Variants in CRHR2 observed in about 807,000 individuals in gnomAD.
CRHR2 encodes the protein corticotropin releasing hormone receptor 2, also known as corticotropin-releasing hormone receptor 2.
CRHR2 carries 53 observed loss-of-function variants against 57.9 expected under a neutral mutation model. The ratio of observed to expected loss-of-function variants is 0.92; its 90% CI spans 0.73 to 1.15. CRHR2 has a LOEUF of 1.15. Among genes scored for constraint, CRHR2 ranks in the 50% most tolerant of loss-of-function variants. The probability of loss-of-function intolerance (pLI) is 0.00; values close to 1 mark genes in which losing one functional copy is unlikely to be tolerated. For synonymous variants in CRHR2, 213 were observed against 220.9 expected (o/e 0.96, Z 0.32); for missense variants, 532 against 542.6 (o/e 0.98, Z 0.19).
chr7:30,662,722 G>A lies in CRHR2; in HGVS notation c.669C>T (p.Arg223=). The A allele has an allele frequency of 1.2e-6, 2 of 1,614,206 alleles. No homozygotes were observed. Among genetic ancestry groups the A allele is most frequent in the Non-Finnish European group, 8.5e-7 (1 of 1,180,018 alleles). The change falls in exon 6 of 12, where the codon CGC becomes CGT. Residue 223 remains arginine, a synonymous_variant. Transcript: ENST00000471646. The part of the protein sequence containing the change: ...IVMTYSTERL[R]KCLFLFIGWC... ...ATCCGATGAAGAGGAAGAGGCACTTGCGCAGGCGCTCAGTGGAGTAGGTCA... is the reference window on the plus strand; with the variant it reads ...ATCCGATGAAGAGGAAGAGGCACTTACGCAGGCGCTCAGTGGAGTAGGTCA...
At chr7:30,662,905 C>G (rs920831396) in intron 5 of CRHR2, 58 bp from the exon 6 acceptor site, 17 of 1,581,508 alleles carry the variant, frequency 1.1e-5, no homozygotes, top group East Asian at 2.3e-5. Flanking sequence ...TAGGACATAC[C>G]CATCCCCAGG....
chr7:30,667,939 C>G (rs1007744005), intron 2 of CRHR2, among the ~76,000 whole-genome samples: 1 of 152,180 alleles, frequency 6.6e-6, no homozygotes, highest in Non-Finnish European at 1.5e-5. Flanking sequence ...GTTGTGGCTT[C>G]GGGTCTTCTG....
intron 2 of CRHR2, among the ~76,000 whole-genome samples, chr7:30,674,779 A>T (rs1309453694): frequency 6.6e-6 from 1 of 151,848 alleles, no homozygotes; most frequent in Non-Finnish European, 1.5e-5. Context: ...ATAGCAGGAG[A>T]CCACCACCCC....
chr7:30,657,830 A>G (rs1332539462), intron 8 of CRHR2, among the ~76,000 whole-genome samples: 2 of 152,006 alleles, frequency 1.3e-5, no homozygotes, highest in Admixed American at 6.6e-5. Flanking sequence ...CCATCCATCC[A>G]TCTACCCAAC....
At chr7:30,682,896 C>G (rs1393419026), upstream of CRHR2, among the ~76,000 whole-genome samples, 18 of 152,236 alleles carry the variant, frequency 1.2e-4, no homozygotes. Context: ...ATGGGCAGAT[C>G]TGCATCCTCC....
chr7:30,682,291 A>G lies in CRHR2; in HGVS notation c.-11T>C. 5 of 1,555,694 alleles carry G rather than the reference A, an allele frequency of 3.2e-6. No homozygotes were observed. Among genetic ancestry groups the G allele is most frequent in the Non-Finnish European group, 4.3e-6 (5 of 1,158,602 alleles). ...CAGTGCCGCGTCCATCGCGTCCCGC[A>G]GCCGCGTGCGGAGAGGGAGTGGGAG... On this transcript the variant is annotated 5_prime_UTR_variant, in exon 1 of 12. Transcript: ENST00000471646.
Position 30,665,082 on chromosome 7 carries a change from G to C in CRHR2, c.531C>G (p.His177Gln), listed in dbSNP as rs150872538. ...CCCGAGCAATGACCTCATTGCTCTC[G>C]TGCACTTCATGGTCAACGAGCTGCA... ...FLLQLVDHEVHESNEVWCRCI... is the reference protein window; with the variant it reads ...FLLQLVDHEVQESNEVWCRCI... The change falls in exon 5 of 12, where the codon CAC becomes CAG. Residue 177 changes from histidine to glutamine, a missense_variant. Transcript: ENST00000471646. The surrounding 1 kb of genome is among the most constrained non-coding windows in gnomAD (Gnocchi z 4.5). 127 of 1,613,826 alleles carry C rather than the reference G, an allele frequency of 7.9e-5. 1 individual carries two copies. In the East Asian group the frequency reaches 2.7e-3, roughly 34 times the overall value.
intron 2 of CRHR2, chr7:30,689,168 G>A (rs1784910471): frequency 6.5e-7 from 1 of 1,544,872 alleles, no homozygotes. Flanking sequence ...GGCTGCTGCA[G>A]GGTGGTGGCA....
rs371698267 is a variant in CRHR2 at position 30,655,566 on chromosome 7, G to A, written c.1053+14C>T. 18 of 1,606,504 alleles carry A rather than the reference G, an allele frequency of 1.1e-5. No homozygotes were observed. In the African/African-American group the frequency reaches 2.0e-4, roughly 18 times the overall value. On this transcript the variant is annotated intron_variant, in intron 10 of 11. Transcript: ENST00000471646. ...AAGCTCACTGTGGGGCCCCCATCTG[G>A]TCACAGGCCCCACCTGGAACGACTG...
intron 6 of CRHR2, 149 bp downstream of exon 6, chr7:30,662,545 C>T: frequency 3.2e-6 from 3 of 947,368 alleles, no homozygotes; most frequent in Admixed American, 2.8e-5. Flanking sequence ...TTGTTCCTCA[C>T]CAGCATGGAG....
intron 2 of CRHR2, among the ~76,000 whole-genome samples, chr7:30,687,545 G>C (rs1375886512): frequency 2.6e-5 from 4 of 152,152 alleles, no homozygotes; most frequent in Non-Finnish European, 4.4e-5. Context: ...CCTGGGTTGT[G>C]GGAGAATGAG....
intron 1 of CRHR2, among the ~76,000 whole-genome samples, chr7:30,699,248 C>T (rs1785118650): frequency 6.6e-6 from 1 of 152,194 alleles, no homozygotes; most frequent in Non-Finnish European, 1.5e-5. Flanking sequence ...CTCTGTGTCC[C>T]TTCTCCCCAC....
chr7:30,680,353 G>A (rs1336849412), intron 2 of CRHR2, among the ~76,000 whole-genome samples: 1 of 152,204 alleles, frequency 6.6e-6, no homozygotes, highest in Non-Finnish European at 1.5e-5. Flanking sequence ...CCTGGGAAGG[G>A]GGGGCCCCCA....
At chr7:30,655,209 T>G in intron 10 of CRHR2, 129 bp from the exon 11 acceptor site, 2 of 1,026,084 alleles carry the variant, frequency 1.9e-6, no homozygotes, top group Non-Finnish European at 2.9e-6. Context: ...GAGTCAGAGC[T>G]GGGTGGGGTC....
chr7:30,688,693 C>G (rs368346740), intron 2 of CRHR2: 2 of 414,468 alleles, frequency 4.8e-6, no homozygotes, highest in East Asian at 1.4e-4. Context: ...TCTCTGGAAC[C>G]CAGCAGAATC....
chr7:30,661,096 C>G (rs993229105), intron 7 of CRHR2, among the ~76,000 whole-genome samples: 42 of 152,238 alleles, frequency 2.8e-4, no homozygotes, highest in Non-Finnish European at 4.1e-4. Context: ...GGAAGTGGAG[C>G]CTTCCTACCT....
At chr7:30,682,154 T>C (rs8175360) in intron 1 of CRHR2, 24 bp downstream of exon 1, 64,968 of 1,544,312 alleles carry the variant, frequency 0.042, 1,489 homozygotes, top group Non-Finnish European at 0.048. Context: ...CCGCGCAGCC[T>C]CCGACCGCTC....
At chr7:30,673,418 A>C (rs1784424819) in intron 2 of CRHR2, among the ~76,000 whole-genome samples, 1 of 151,522 alleles carries the variant, frequency 6.6e-6, no homozygotes, top group African/African-American at 2.4e-5. Context: ...GGGTCTCACT[A>C]TGTGGTTTTG....
intron 10 of CRHR2, 81 bp from the exon 11 acceptor site, chr7:30,655,161 G>A (rs1301544555): frequency 4.9e-6 from 7 of 1,430,568 alleles, no homozygotes; most frequent in Non-Finnish European, 6.8e-6. Context: ...CTGGGGACAA[G>A]ATGGTGGGGG....
Sources: gnomAD v4.1 joint callset for allele counts (sites outside exome capture counted in the v4.1 genomes callset) on GRCh38, gnomAD v4.1.1 for gene constraint, Gnocchi (gnomAD v3.1) non-coding constraint, MANE v1.5 for transcripts, NCBI Gene and HGNC (gene_info 2026-07-23, HGNC 2026-07-21) for gene names.